The following SBF2 variants were observed in gnomAD, a reference collection of about 807,000 sequenced individuals.
The protein encoded by SBF2 is myotubularin-related protein 13.
In SBF2, 112 loss-of-function variants were observed where a neutral mutation model predicts 225.2. The ratio of observed to expected loss-of-function variants is 0.50; its 90% CI spans 0.43 to 0.58. The LOEUF is 0.58. SBF2 is among the 20% of genes least tolerant of loss of function. The pLI is 0.00. For missense variants in SBF2, 1,996 were observed against 2,206.2 expected (o/e 0.90, Z 1.91); for synonymous variants, 763 against 773.3 (o/e 0.99, Z 0.22).
At chr11:10,159,090 A>G (rs61877263) in intron 2 of SBF2, among the ~76,000 whole-genome samples, 13,205 of 151,150 alleles carry the variant, frequency 0.087, 831 homozygotes, top group Non-Finnish European at 0.12. Flanking sequence ...ATCAGAGACA[A>G]GCAATTATGA....
intron 26 of SBF2, among the ~76,000 whole-genome samples, chr11:9,834,570 T>C (rs1293455795): frequency 6.6e-6 from 1 of 152,192 alleles, no homozygotes; most frequent in Non-Finnish European, 1.5e-5. Flanking sequence ...TAACTTTCCA[T>C]ACTTAACCAA....
chr11:9,786,645 G>C (rs1331327410), intron 36 of SBF2, among the ~76,000 whole-genome samples: 3 of 152,044 alleles, frequency 2.0e-5, no homozygotes, highest in African/African-American at 7.3e-5. Context: ...CCCTTCTGTT[G>C]CATTTGGAGC....
chr11:9,989,659 T>C lies in SBF2; in HGVS notation c.1297-64A>G, dbSNP rs375231995. ...AATATGCCAAATTCAAAAACTGTGATAATTTCATACAATTTGCAAGCCAAA... is the reference window on the plus strand; with the variant it reads ...AATATGCCAAATTCAAAAACTGTGACAATTTCATACAATTTGCAAGCCAAA... On this transcript the variant is annotated intron_variant, in intron 12 of 39. Coordinates refer to ENST00000256190, the MANE Select transcript of SBF2 (RefSeq NM_030962.4). 30 of 986,538 alleles carry C rather than the reference T, an allele frequency of 3.0e-5. No individual in the cohort carries two copies. The African/African-American group carries it at 3.7e-4, about 12-fold the overall frequency. 61.1% of individuals were successfully genotyped at this position (986,538 alleles called of 1,614,324 possible).
chr11:10,196,198 C>A (rs78383920), intron 1 of SBF2, among the ~76,000 whole-genome samples: 1,902 of 152,294 alleles, frequency 0.012, 18 homozygotes, highest in Non-Finnish European at 0.018. Context: ...ATAGTCTATA[C>A]TGAGTAAAAT....
At chr11:9,932,085 A>G (rs921629450) in intron 16 of SBF2, among the ~76,000 whole-genome samples, 2 of 152,232 alleles carry the variant, frequency 1.3e-5, no homozygotes, top group Admixed American at 6.5e-5. Flanking sequence ...TAGAGAAAAA[A>G]GAGTAAAAAG....
chr11:10,025,634 C>T (rs904192730), intron 6 of SBF2, among the ~76,000 whole-genome samples: 13 of 152,124 alleles, frequency 8.5e-5, no homozygotes, highest in Admixed American at 8.5e-4. Flanking sequence ...GGGTTTCACT[C>T]TGTCGCCCAG....
chr11:10,051,615 C>T (rs1452787941), intron 2 of SBF2, among the ~76,000 whole-genome samples: 5 of 151,816 alleles, frequency 3.3e-5, no homozygotes, highest in African/African-American at 7.3e-5. Context: ...CTATTTCACA[C>T]GTAAATGACA....
rs150862959 is a variant in SBF2, at chr11:9,829,318, T to C, written c.3793+38A>G. 394 of 1,607,678 alleles carry C rather than the reference T, an allele frequency of 2.5e-4. 1 individual carries two copies. The African/African-American group carries it at 4.9e-3, about 20-fold the overall frequency. ...CCTAGGAACAGAACTGACCTTTCAT[T>C]AGAAGCTGTCAAGAAGAAAAGTATT... On this transcript the variant is annotated intron_variant, in intron 28 of 39. Transcript: ENST00000256190.
At chr11:10,124,793 T>A (rs1953662707) in intron 2 of SBF2, among the ~76,000 whole-genome samples, 1 of 152,266 alleles carries the variant, frequency 6.6e-6, no homozygotes, top group Non-Finnish European at 1.5e-5. Context: ...TATATACTCA[T>A]CTATTTTCCA....
intron 1 of SBF2, among the ~76,000 whole-genome samples, chr11:10,290,276 T>C (rs11042722): frequency 0.026 from 3,901 of 151,924 alleles, 141 homozygotes; most frequent in African/African-American, 0.079. Flanking sequence ...GTCTGTGTGG[T>C]AGGGGAAGAG....
chr11:10,003,365 CT>C (rs1948054625), intron 6 of SBF2, among the ~76,000 whole-genome samples: 1 of 130,756 alleles, frequency 7.6e-6, no homozygotes, highest in African/African-American at 2.7e-5. Context: ...TTTTCTTTTT[CT>C]TTTTTCTTTT....
At chr11:10,231,769 G>C (rs1731537427) in intron 1 of SBF2, among the ~76,000 whole-genome samples, 1 of 152,212 alleles carries the variant, frequency 6.6e-6, no homozygotes, top group Non-Finnish European at 1.5e-5. Context: ...ACCCACTTGA[G>C]GAGGCAGTCT....
At chr11:10,006,582 T>A (rs1321279006) in intron 6 of SBF2, among the ~76,000 whole-genome samples, 1 of 152,154 alleles carries the variant, frequency 6.6e-6, no homozygotes. Context: ...ATTTGTGAGT[T>A]CCTACATCAA....
chr11:10,193,351 C>CT (rs60903141), intron 2 of SBF2, among the ~76,000 whole-genome samples: 25,070 of 110,388 alleles, frequency 0.23, 3,652 homozygotes, highest in Non-Finnish European at 0.27. Context: ...TCAATTTCAT[C>CT]TTTTTTTTTT....
At chr11:10,203,049 T>TG (rs1242695233) in intron 1 of SBF2, among the ~76,000 whole-genome samples, 43 of 31,132 alleles carry the variant, frequency 1.4e-3, no homozygotes, top group Non-Finnish European at 1.3e-3. Flanking sequence ...TTAGCTGGGG[T>TG]GGGGGGGTGA....
intron 16 of SBF2, among the ~76,000 whole-genome samples, chr11:9,904,045 C>T (rs1407445294): frequency 6.6e-6 from 1 of 152,050 alleles, no homozygotes; most frequent in Non-Finnish European, 1.5e-5. Context: ...ACCTGACATT[C>T]CTAGAGGGTG....
intron 17 of SBF2, among the ~76,000 whole-genome samples, chr11:9,870,614 A>C (rs1858642468): frequency 6.6e-6 from 1 of 152,190 alleles, no homozygotes; most frequent in South Asian, 2.1e-4. Context: ...AGGGATTTCC[A>C]ATTAATAAAT....
chr11:10,225,025 G>A (rs1958482771), intron 1 of SBF2, among the ~76,000 whole-genome samples: 1 of 152,084 alleles, frequency 6.6e-6, no homozygotes, highest in Non-Finnish European at 1.5e-5. Flanking sequence ...TTTTAAATAG[G>A]TTTGCCATCT....
At chr11:10,019,863 T>C (rs1948783355) in intron 6 of SBF2, among the ~76,000 whole-genome samples, 1 of 152,228 alleles carries the variant, frequency 6.6e-6, no homozygotes, top group Admixed American at 6.5e-5. Flanking sequence ...AATCAGTATT[T>C]TCTTTTAAAG....
Sources: gnomAD v4.1 joint callset for allele counts (sites outside exome capture counted in the v4.1 genomes callset) on GRCh38, gnomAD v4.1.1 for gene constraint, MANE v1.5 for transcripts, NCBI Gene and HGNC (gene_info 2026-07-23, HGNC 2026-07-21) for gene names.